The following TSPEAR variants were observed in gnomAD, a reference collection of about 807,000 sequenced individuals.
TSPEAR encodes the protein thrombospondin type laminin G domain and EAR repeats, also known as thrombospondin-type laminin G domain and EAR repeat-containing protein.
Under a neutral mutation model 71.6 loss-of-function variants are expected in TSPEAR, and 69 were observed. The ratio of observed to expected loss-of-function variants is 0.96; its 90% CI spans 0.79 to 1.18. The LOEUF (loss-of-function observed/expected upper bound fraction) is 1.18, where lower values mean the gene tolerates loss of function less well. Among genes scored for constraint, TSPEAR ranks in the 50% most tolerant of loss-of-function variants. TSPEAR has a pLI of 0.00. For synonymous variants in TSPEAR, 402 were observed against 387.2 expected, an observed-to-expected ratio of 1.04 and a Z score of -0.45; for missense variants, 971 against 894.9, an observed-to-expected ratio of 1.09 and a Z score of -1.09.
chr21:44,635,457 G>A (rs1005370368), intron 1 of TSPEAR, among the ~76,000 whole-genome samples: 3 of 151,998 alleles, frequency 2.0e-5, no homozygotes, highest in Non-Finnish European at 2.9e-5. Flanking sequence ...GAAATGTGGC[G>A]TGTCCCTTTG....
At chr21:44,609,819 A>T (rs180754607) in intron 1 of TSPEAR, among the ~76,000 whole-genome samples, 5 of 152,340 alleles carry the variant, frequency 3.3e-5, no homozygotes, top group African/African-American at 9.6e-5. Flanking sequence ...TACATTCTGA[A>T]CACTGATGTA....
intron 1 of TSPEAR, among the ~76,000 whole-genome samples, chr21:44,668,043 C>T (rs1985880184): frequency 6.6e-6 from 1 of 152,124 alleles, no homozygotes; most frequent in Non-Finnish European, 1.5e-5. Context: ...CTAAGAGCAA[C>T]TAGGCAATTG....
chr21:44,532,822 G>A (rs1471255444), intron 3 of TSPEAR, among the ~76,000 whole-genome samples: 5 of 152,132 alleles, frequency 3.3e-5, no homozygotes, highest in Admixed American at 6.5e-5. Context: ...AAACGAACTC[G>A]GCTTCCAAAA....
intron 4 of TSPEAR, among the ~76,000 whole-genome samples, chr21:44,530,469 C>A (rs113390395): frequency 3.6e-5 from 5 of 137,724 alleles, no homozygotes; most frequent in Non-Finnish European, 6.1e-5. Context: ...GCATCCATCC[C>A]TCCATCCATC....
intron 2 of TSPEAR, among the ~76,000 whole-genome samples, chr21:44,560,939 A>C (rs2053624700): frequency 6.6e-6 from 1 of 152,210 alleles, no homozygotes; most frequent in Non-Finnish European, 1.5e-5. Context: ...AAGCAAGAGC[A>C]AACAAATCCA....
In TSPEAR at chr21:44,637,275, G is replaced by A. The variant is rs1983639969; in HGVS notation, c.83-69270C>T. On this transcript the variant is annotated intron_variant, in intron 1 of 11. Coordinates refer to ENST00000323084, the MANE Select transcript of TSPEAR (RefSeq NM_144991.3). ...GGCTCCAAACACCAACACGGAAGGG[G>A]AGGGCATTGCTGAGTCTCCTGCTGG... The A allele has an allele frequency of 1.5e-5, 17 of 1,119,326 alleles. No homozygotes were observed. The Admixed American group carries it at 2.5e-4, about 17-fold the overall frequency. 69.3% of individuals were successfully genotyped at this position (1,119,326 alleles called of 1,614,324 possible). A position where few individuals can be genotyped will look rare whatever the true frequency, so the allele number is the denominator to read the frequency against.
chr21:44,641,635 AG>A (rs1412763133), intron 1 of TSPEAR, among the ~76,000 whole-genome samples: 1 of 152,212 alleles, frequency 6.6e-6, no homozygotes, highest in African/African-American at 2.4e-5. Flanking sequence ...GATGGGATCG[AG>A]GGGATGAACA....
At chr21:44,597,619 A>G (rs1179410809) in intron 1 of TSPEAR, among the ~76,000 whole-genome samples, 1 of 151,642 alleles carries the variant, frequency 6.6e-6, no homozygotes, top group Non-Finnish European at 1.5e-5. Context: ...TTTAGTAGAG[A>G]CAGGGCTTTA....
chr21:44,529,445 G>C (rs2052923022), intron 5 of TSPEAR, among the ~76,000 whole-genome samples: 1 of 152,200 alleles, frequency 6.6e-6, no homozygotes. Context: ...CCCAAACGCT[G>C]TCCTTGGGGG....
intron 10 of TSPEAR, chr21:44,508,903 C>T: frequency 6.7e-7 from 1 of 1,483,222 alleles, no homozygotes; most frequent in Non-Finnish European, 9.1e-7. Context: ...AAGCCCCCTC[C>T]TGCCTCCACT....
intron 1 of TSPEAR, among the ~76,000 whole-genome samples, chr21:44,706,374 CGCACACACGCGCGTGCACCCAT>C (rs1293934372): frequency 6.6e-6 from 1 of 151,270 alleles, no homozygotes; most frequent in Non-Finnish European, 1.5e-5. Flanking sequence ...CGCCCATGCA[CGCACACACGCGCGTGCACCCAT>C]GCGCACGCAC....
chr21:44,504,160 CTCTT>C, intron 11 of TSPEAR, among the ~76,000 whole-genome samples: 1 of 140,114 alleles, frequency 7.1e-6, no homozygotes, highest in East Asian at 2.2e-4. Flanking sequence ...GGAAGCAAGT[CTCTT>C]GGAGGAGGCC....
Position 44,590,903 on chromosome 21 carries a change from G to A in TSPEAR, c.83-22898C>T, listed in dbSNP as rs1300342707. ...GGCTAAGAGGGAGACTGGCCTTCAG[G>A]GTTCACAGAGGCCAGCACCAGAAGG... On this transcript the variant is annotated intron_variant, in intron 1 of 11. Transcript: ENST00000323084. 1.1e-4 allele frequency among the ~76,000 whole-genome samples: 17 copies of A among 152,172 alleles called. 1 individual carries two copies. The East Asian group carries it at 3.1e-3, about 28-fold the overall frequency.
chr21:44,601,281 C>G (rs781902497), intron 1 of TSPEAR: 10 of 1,609,172 alleles, frequency 6.2e-6, no homozygotes, highest in Admixed American at 5.0e-5. Flanking sequence ...CTTGCTGCAC[C>G]TCCTCCCCTT....
At chr21:44,500,248 T>A (rs140025613) in intron 11 of TSPEAR, among the ~76,000 whole-genome samples, 2 of 152,118 alleles carry the variant, frequency 1.3e-5, no homozygotes, top group Non-Finnish European at 2.9e-5. Flanking sequence ...TCGGCCTCAA[T>A]CGTGAGGTGC....
At chr21:44,638,846 G>A (rs1555937887) in intron 1 of TSPEAR, among the ~76,000 whole-genome samples, 1 of 151,686 alleles carries the variant, frequency 6.6e-6, no homozygotes, top group Non-Finnish European at 1.5e-5. Flanking sequence ...CCAGGCCTGG[G>A]GTAGACCACC....
rs1272820746 is a variant in TSPEAR, at chr21:44,710,218, G to A, written c.82+1215C>T. ...TCTGCGACAAGCTGACTTGGCTCTCGTATTGTTTGCAGAATCACCCAGTTC... is the reference window on the plus strand; with the variant it reads ...TCTGCGACAAGCTGACTTGGCTCTCATATTGTTTGCAGAATCACCCAGTTC... On this transcript the variant is annotated intron_variant, in intron 1 of 11. Coordinates refer to ENST00000323084, the MANE Select transcript of TSPEAR (RefSeq NM_144991.3). This position sits in a 1 kb window ranked among gnomAD's most constrained non-coding sequence, Gnocchi z 4.6. Among the ~76,000 whole-genome samples the A allele has an allele frequency of 6.6e-6, 1 of 152,160 alleles. No individual in the cohort carries two copies. The highest frequency in any genetic ancestry group is 1.5e-5 in the Non-Finnish European group (1 of 68,026).
At chr21:44,556,030 A>G (rs1207183785) in intron 2 of TSPEAR, among the ~76,000 whole-genome samples, 1 of 152,222 alleles carries the variant, frequency 6.6e-6, no homozygotes, top group Admixed American at 6.5e-5. Context: ...AGAATTAAGG[A>G]ATCCTTGTGA....
chr21:44,682,842 G>T (rs1265852298), intron 1 of TSPEAR, among the ~76,000 whole-genome samples: 1 of 152,216 alleles, frequency 6.6e-6, no homozygotes, highest in East Asian at 1.9e-4. Flanking sequence ...CAGCGCTCAA[G>T]CAGCTGAAGC....
Sources: allele counts gnomAD v4.1 joint callset (sites outside exome capture counted in the v4.1 genomes callset), GRCh38; gene constraint gnomAD v4.1.1; non-coding constraint Gnocchi (gnomAD v3.1); transcripts MANE v1.5; gene names NCBI Gene and HGNC (gene_info 2026-07-23, HGNC 2026-07-21).